The following INTS14 variants were observed in gnomAD, a reference collection of about 807,000 sequenced individuals.
INTS14 encodes integrator complex subunit 14.
Under a neutral mutation model 56.9 loss-of-function variants are expected in INTS14, and 27 were observed. That is an observed-to-expected ratio of 0.47 (90% CI 0.35 to 0.65). The LOEUF is 0.65. Ranked by LOEUF, INTS14 falls within the 30% of genes least tolerant of loss-of-function variation. The probability of loss-of-function intolerance (pLI) is 0.00; values close to 1 mark genes in which losing one functional copy is unlikely to be tolerated. For synonymous variants in INTS14, 207 were observed against 236.2 expected (o/e 0.88, Z 1.13); for missense variants, 517 against 632.2 (o/e 0.82, Z 1.95).
At chr15:65,592,649 T>C (rs1335046206) in intron 8 of INTS14, among the ~76,000 whole-genome samples, 1 of 152,170 alleles carries the variant, frequency 6.6e-6, no homozygotes, top group African/African-American at 2.4e-5. Context: ...ACCTCCCATA[T>C]AGTGTTGTTA....
At chr15:65,609,852 G>A (rs2073813507) in intron 1 of INTS14, among the ~76,000 whole-genome samples, 1 of 152,080 alleles carries the variant, frequency 6.6e-6, no homozygotes, top group Non-Finnish European at 1.5e-5. Context: ...CTTTCAGCCC[G>A]TGAAATCTGC....
chr15:65,585,003 A>C, intron 9 of INTS14, 115 bp from the exon 10 acceptor site: 1 of 860,040 alleles, frequency 1.2e-6, no homozygotes, highest in South Asian at 2.3e-5. Flanking sequence ...TCACTTTGTT[A>C]ATTAAGAAAA....
chr15:65,589,012 G>A (rs2072930396), intron 9 of INTS14, among the ~76,000 whole-genome samples: 1 of 152,182 alleles, frequency 6.6e-6, no homozygotes, highest in Admixed American at 6.5e-5. Flanking sequence ...ATGAACACAG[G>A]GCAGAGTGAA....
At chr15:65,593,652 C>T (rs1465069777) in intron 7 of INTS14, 80 bp from the exon 8 acceptor site, 52 of 1,517,468 alleles carry the variant, frequency 3.4e-5, no homozygotes, top group Non-Finnish European at 4.5e-5. Flanking sequence ...TTGGATGTTT[C>T]TAGCCTTTAA....
At chr15:65,579,783 A>C (rs545293684) in intron 11 of INTS14, 124 bp from the exon 12 acceptor site, 23 of 1,376,960 alleles carry the variant, frequency 1.7e-5, no homozygotes, top group Admixed American at 1.1e-4. Flanking sequence ...TATGAGAACA[A>C]ATGTTTATTT....
intron 11 of INTS14, 117 bp downstream of exon 11, chr15:65,581,837 A>G: frequency 9.6e-7 from 1 of 1,040,876 alleles, no homozygotes. Context: ...AGTTTATTTG[A>G]AAAAACTGAG....
chr15:65,586,394 A>G (rs2072826364), intron 9 of INTS14: 1 of 152,218 alleles, frequency 6.6e-6, no homozygotes, highest in Non-Finnish European at 1.5e-5. Context: ...TCCACCATTC[A>G]ACACTGCTGT....
At chr15:65,589,349 G>A (rs1321851207) in intron 9 of INTS14, among the ~76,000 whole-genome samples, 1 of 152,136 alleles carries the variant, frequency 6.6e-6, no homozygotes, top group East Asian at 1.9e-4. Flanking sequence ...GTAGAGATAG[G>A]GTTTCGCTAT....
At chr15:65,591,174 C>T (rs1261643176) in intron 9 of INTS14, among the ~76,000 whole-genome samples, 3 of 151,634 alleles carry the variant, frequency 2.0e-5, no homozygotes, top group Admixed American at 1.3e-4. Flanking sequence ...AAAGACAAAA[C>T]GAAGAGAGAA....
chr15:65,580,714 G>A (rs993778778), intron 11 of INTS14, among the ~76,000 whole-genome samples: 3 of 152,192 alleles, frequency 2.0e-5, no homozygotes, highest in African/African-American at 7.2e-5. Context: ...GAATTAGAAA[G>A]CTAAGACACA....
At chr15:65,611,013 G>A in intron 1 of INTS14, 85 bp downstream of exon 1, 1 of 1,524,918 alleles carries the variant, frequency 6.6e-7, no homozygotes, top group Non-Finnish European at 8.8e-7. Context: ...CGCTGGCCCT[G>A]GGTTGTTCTT....
At chr15:65,606,018 C>G (rs1008079570) in intron 2 of INTS14, among the ~76,000 whole-genome samples, 3 of 151,102 alleles carry the variant, frequency 2.0e-5, no homozygotes, top group Non-Finnish European at 4.4e-5. Flanking sequence ...CACTTTGGGA[C>G]GCCGAGGCGG....
chr15:65,607,132 C>T, intron 2 of INTS14, 27 bp downstream of exon 2: 8 of 1,610,402 alleles, frequency 5.0e-6, no homozygotes, highest in Admixed American at 1.7e-5. Flanking sequence ...AGGCCCTGTA[C>T]ATACAATAAC....
intron 10 of INTS14, among the ~76,000 whole-genome samples, chr15:65,583,234 T>C (rs189397542): frequency 1.3e-5 from 2 of 152,308 alleles, no homozygotes; most frequent in East Asian, 3.9e-4. Flanking sequence ...CCAAAACTTA[T>C]ACATGAATGT....
In INTS14 at chr15:65,593,402, A is replaced by C. The variant is rs1332521625; in HGVS notation, c.986+26T>G. ...TGTAAAATGATTTTCCCTTTCATTCAACCAAATGTAAACAAAGTTTCCTAC... is the reference window on the plus strand; with the variant it reads ...TGTAAAATGATTTTCCCTTTCATTCCACCAAATGTAAACAAAGTTTCCTAC... On this transcript the variant is annotated intron_variant, in intron 8 of 11. Coordinates refer to ENST00000313182, the MANE Select transcript of INTS14 (RefSeq NM_001394796.1). 2.5e-6 allele frequency: 4 copies of C among 1,579,348 alleles called. No homozygotes were observed. The African/African-American group carries it at 5.4e-5, about 21-fold the overall frequency.
At position 65,599,888 on chromosome 15, in the gene INTS14, C is replaced by T; in HGVS notation, c.372G>A (p.Gly124=). 1 of 1,614,008 alleles carries T rather than the reference C, an allele frequency of 6.2e-7. No individual in the cohort carries two copies. The highest frequency in any genetic ancestry group is 1.1e-5 in the South Asian group (1 of 91,074). Residue 124 remains glycine, a synonymous_variant, in exon 4 of 12, where the codon GGG becomes GGA. Coordinates refer to ENST00000313182, the MANE Select transcript of INTS14 (RefSeq NM_001394796.1). ...VTDGCLGIGR[G]SLRHSLATQN... ...GAGTGGCTAGGGAATGTCGCAGTGA[C>T]CCTCTACCAATGCCAAGACAGCCGT... is the stretch of plus-strand genomic sequence containing the variant.
intron 2 of INTS14, among the ~76,000 whole-genome samples, chr15:65,606,524 G>T (rs550285288): frequency 1.3e-4 from 19 of 151,632 alleles, no homozygotes; most frequent in Non-Finnish European, 2.6e-4. Context: ...CAAAGTGCTG[G>T]GATTACAGGC....
chr15:65,606,142 C>T (rs1265172762), intron 2 of INTS14, among the ~76,000 whole-genome samples: 1 of 151,272 alleles, frequency 6.6e-6, no homozygotes, highest in Non-Finnish European at 1.5e-5. Flanking sequence ...GTACTCCCAG[C>T]TATTCGGAAG....
At chr15:65,609,549 C>A (rs2073789652) in intron 1 of INTS14, among the ~76,000 whole-genome samples, 1 of 152,222 alleles carries the variant, frequency 6.6e-6, no homozygotes, top group Admixed American at 6.5e-5. Context: ...ATAGTAGGTG[C>A]CCAACAATTT....
Sources: gnomAD v4.1 joint callset for allele counts (sites outside exome capture counted in the v4.1 genomes callset) on GRCh38, gnomAD v4.1.1 for gene constraint, MANE v1.5 for transcripts, NCBI Gene and HGNC (gene_info 2026-07-23, HGNC 2026-07-21) for gene names.